The following TBC1D2B variants were observed in gnomAD, a reference collection of about 807,000 sequenced individuals.
TBC1D2B encodes the protein TBC1 domain family, member 2B.
In TBC1D2B, 64 loss-of-function variants were observed where a neutral mutation model predicts 100.8. The ratio of observed to expected loss-of-function variants is 0.64; its 90% CI spans 0.52 to 0.78. The LOEUF (loss-of-function observed/expected upper bound fraction) is 0.78, where lower values mean the gene tolerates loss of function less well. Among genes scored for constraint, TBC1D2B ranks in the 30% least tolerant of loss-of-function variants. The pLI, the probability that TBC1D2B is intolerant of heterozygous loss-of-function variation, is 0.00. For synonymous variants in TBC1D2B, 480 were observed against 479.7 expected (o/e 1.00, Z -0.01); for missense variants, 1,052 against 1,218.4 (o/e 0.86, Z 2.03).
At chr15:78,017,823 T>C (rs1446403638) in intron 7 of TBC1D2B, 24 bp downstream of exon 7, 3 of 1,491,928 alleles carry the variant, frequency 2.0e-6, no homozygotes, top group South Asian at 1.2e-5. Context: ...CACCAGGTAA[T>C]AGAATCCACC....
intron 1 of TBC1D2B, among the ~76,000 whole-genome samples, chr15:78,061,023 A>G (rs552900503): frequency 1.8e-4 from 27 of 150,998 alleles, no homozygotes; most frequent in African/African-American, 6.6e-4. Flanking sequence ...AGGCAGGCAG[A>G]TTGCTTGAGC....
Position 78,068,882 on chromosome 15 carries a change from A to C in TBC1D2B, c.360+8411T>G, listed in dbSNP as rs141949039. Among the ~76,000 whole-genome samples the C allele has an allele frequency of 9.8e-3, 1,493 of 152,362 alleles. 12 individuals are homozygous for C. Among genetic ancestry groups the C allele is most frequent in the Middle Eastern group, 0.065 (19 of 294 alleles). The stretch of plus-strand genomic sequence containing the variant: ...AAACCCAGCTGAGGGCTGGCCTGAC[A>C]GGATATGGGTGAACACCCGATCACA... On this transcript the variant is annotated intron_variant, in intron 1 of 12. Transcript: ENST00000300584.
chr15:78,001,210 C>T (rs1184445112), intron 12 of TBC1D2B, among the ~76,000 whole-genome samples: 2 of 152,172 alleles, frequency 1.3e-5, no homozygotes, highest in Admixed American at 1.3e-4. Flanking sequence ...CTTTCTCCGG[C>T]CTGGGATCCC....
intron 1 of TBC1D2B, among the ~76,000 whole-genome samples, chr15:78,076,767 CAAAT>C (rs1340256366): frequency 6.6e-6 from 1 of 152,156 alleles, no homozygotes; most frequent in African/African-American, 2.4e-5. Context: ...AATAAATAAA[CAAAT>C]AAATAAAAGC....
chr15:78,070,019 C>G (rs1014298599), intron 1 of TBC1D2B, among the ~76,000 whole-genome samples: 3 of 152,190 alleles, frequency 2.0e-5, no homozygotes, highest in African/African-American at 7.2e-5. Context: ...AGAAAGAAAA[C>G]AAAAACCTAT....
chr15:78,053,839 A>G, intron 2 of TBC1D2B, 195 bp downstream of exon 2: 1 of 601,146 alleles, frequency 1.7e-6, no homozygotes, highest in Non-Finnish European at 2.8e-6. Context: ...GCCTTGCCTG[A>G]TTCCAAGGCT....
Position 78,001,810 on chromosome 15 carries a change from G to T in TBC1D2B, c.2575-70C>A, listed in dbSNP as rs1318475323. 4.6e-6 allele frequency: 7 copies of T among 1,515,840 alleles called. No individual in the cohort carries two copies. The Admixed American group carries it at 1.0e-4, about 22-fold the overall frequency. The allele number at this position is 1,515,840 out of a possible 1,614,324, so 93.9% of individuals were successfully genotyped here. A position where few individuals can be genotyped will look rare whatever the true frequency, so the allele number is the denominator to read the frequency against. On this transcript the variant is annotated intron_variant, in intron 11 of 12. Transcript: ENST00000300584. Reference sequence around the variant, plus strand: ...GTCCAGGCACAAGGCTGGACTCCAGGGGGGTGCTGGCCCTACTGGGGACAG... The same window carrying T: ...GTCCAGGCACAAGGCTGGACTCCAGTGGGGTGCTGGCCCTACTGGGGACAG...
chr15:78,010,978 CA>C (rs1489219615), intron 9 of TBC1D2B, among the ~76,000 whole-genome samples: 1 of 152,184 alleles, frequency 6.6e-6, no homozygotes, highest in East Asian at 1.9e-4. Context: ...CCCAAACAGG[CA>C]TACTCAAGTC....
At chr15:78,046,471 G>A (rs2073197809) in intron 2 of TBC1D2B, among the ~76,000 whole-genome samples, 1 of 151,728 alleles carries the variant, frequency 6.6e-6, no homozygotes, top group African/African-American at 2.4e-5. Flanking sequence ...ATTGACTGCT[G>A]ACCACTGATA....
intron 2 of TBC1D2B, among the ~76,000 whole-genome samples, chr15:78,051,340 C>G (rs2073309565): frequency 6.6e-6 from 1 of 152,186 alleles, no homozygotes; most frequent in African/African-American, 2.4e-5. Flanking sequence ...CCCATTTGAT[C>G]TTTATAACAA....
chr15:78,013,359 T>G, intron 8 of TBC1D2B, 42 bp from the exon 9 acceptor site: 1 of 1,508,808 alleles, frequency 6.6e-7, no homozygotes, highest in Non-Finnish European at 8.9e-7. Flanking sequence ...TGACAAAGTT[T>G]TAGCAACAAA....
intron 3 of TBC1D2B, among the ~76,000 whole-genome samples, chr15:78,041,405 T>G (rs1047325112): frequency 6.6e-6 from 1 of 152,244 alleles, no homozygotes; most frequent in East Asian, 1.9e-4. Context: ...TTTGGTCTCA[T>G]GCAGTCAGTC....
chr15:78,008,787 G>A (rs1463705203), intron 10 of TBC1D2B, among the ~76,000 whole-genome samples: 1 of 152,192 alleles, frequency 6.6e-6, no homozygotes, highest in Non-Finnish European at 1.5e-5. Context: ...CTGGTTCGCA[G>A]GGGGCTGAAT....
At chr15:78,033,216 T>G (rs990699235) in intron 3 of TBC1D2B, among the ~76,000 whole-genome samples, 1 of 152,200 alleles carries the variant, frequency 6.6e-6, no homozygotes, top group African/African-American at 2.4e-5. Flanking sequence ...GAGCAGTCGG[T>G]AAGTGGAGTG....
rs746078243 is a variant in TBC1D2B, at chr15:77,998,236, C to T, written c.2816G>A (p.Arg939His). The stretch of plus-strand genomic sequence containing the variant: ...GTCCCGCTCACGCAGGAAGTCCTCA[C>T]GGATGGCCTCCAGCTCGGTCAGCTC... The part of the protein sequence containing the change: ...RLELTELEAI[R>H]EDFLRERDTS... The change falls in exon 13 of 13, where the codon CGT becomes CAT. Residue 939 changes from arginine to histidine, a missense_variant. Arg to His is a conservative substitution (Grantham distance 29). Coordinates refer to ENST00000300584, the MANE Select transcript of TBC1D2B (RefSeq NM_144572.2). 2.9e-5 allele frequency: 46 copies of T among 1,588,000 alleles called. No individual in the cohort carries two copies. Among genetic ancestry groups the T allele is most frequent in the South Asian group, 4.6e-5 (4 of 86,798 alleles).
At chr15:78,007,807 C>A (rs541826333) in intron 10 of TBC1D2B, among the ~76,000 whole-genome samples, 1 of 152,286 alleles carries the variant, frequency 6.6e-6, no homozygotes, top group South Asian at 2.1e-4. Flanking sequence ...CACAGAGGAC[C>A]CACCGGACAG....
chr15:78,012,966 C>T lies in TBC1D2B; in HGVS notation c.2127G>A (p.Gln709=), dbSNP rs559426852. ...GAGTTCGCAGCAAGTCCAGCTCAAT[C>T]TGCTTGGAGGCTGGGTTCTGTTTCT... ...ALEKQNPASK[Q]IELDLLRTLP... The change falls in exon 9 of 13, where the codon CAG becomes CAA. Residue 709 remains glutamine, a synonymous_variant. Coordinates refer to ENST00000300584, the MANE Select transcript of TBC1D2B (RefSeq NM_144572.2). 9.5e-6 allele frequency: 15 copies of T among 1,584,940 alleles called. No homozygotes were observed. Among genetic ancestry groups the T allele is most frequent in the East Asian group, 6.8e-5 (3 of 44,406 alleles).
At chr15:78,062,765 T>G (rs2073574935) in intron 1 of TBC1D2B, among the ~76,000 whole-genome samples, 1 of 152,110 alleles carries the variant, frequency 6.6e-6, no homozygotes, top group Admixed American at 6.5e-5. Flanking sequence ...CATATTATAT[T>G]AGACACCATC....
rs772558929 is a variant in TBC1D2B at position 78,013,107 on chromosome 15, G to C, written c.1986C>G (p.Gly662=). ...SPELKNLIRA[G]IPHEHRSKVW... is the part of the protein sequence containing the mutation. ...CCTTGGAACGGTGCTCGTGGGGAAT[G>C]CCCGCACGGATGAGGTTTTTTAACT... Residue 662 remains glycine, a synonymous_variant, in exon 9 of 13, where the codon GGC becomes GGG. Transcript: ENST00000300584. 6.2e-7 allele frequency: 1 copy of C among 1,613,998 alleles called. No homozygotes were observed. The highest frequency in any genetic ancestry group is 8.5e-7 in the Non-Finnish European group (1 of 1,179,896).
Sources: gnomAD v4.1 joint callset for allele counts (sites outside exome capture counted in the v4.1 genomes callset) on GRCh38, gnomAD v4.1.1 for gene constraint, MANE v1.5 for transcripts, NCBI Gene and HGNC (gene_info 2026-07-23, HGNC 2026-07-21) for gene names.